KIAA0930: variants seen among roughly 807,000 people sequenced by gnomAD.
The protein encoded by KIAA0930 is KIAA0930.
A neutral mutation model predicts 43.9 loss-of-function variants in KIAA0930; 24 were observed. The observed-to-expected ratio is 0.55, with a 90% CI of 0.40 to 0.77. The LOEUF (loss-of-function observed/expected upper bound fraction) is 0.77, where lower values mean the gene tolerates loss of function less well. KIAA0930 is among the 30% of genes least tolerant of loss of function. KIAA0930 has a pLI of 0.00. For synonymous variants in KIAA0930, 259 were observed against 216.4 expected (o/e 1.20, Z -1.73); for missense variants, 461 against 574.2 (o/e 0.80, Z 2.02).
intron 1 of KIAA0930, among the ~76,000 whole-genome samples, chr22:45,232,678 GC>G (rs917435056): frequency 1.7e-4 from 26 of 152,180 alleles, no homozygotes; most frequent in Admixed American, 1.2e-3. Flanking sequence ...GGAGCAAACT[GC>G]CCCCCTACCT....
rs742015 is a variant in KIAA0930 at position 45,208,711 on chromosome 22, G to A, written c.217-2799C>T. Among the ~76,000 whole-genome samples the A allele has an allele frequency of 8.3e-3, 1,271 of 152,360 alleles. 8 individuals carry two copies. Among genetic ancestry groups the A allele is most frequent in the African/African-American group, 0.027 (1,130 of 41,584 alleles). On this transcript the variant is annotated intron_variant, in intron 2 of 9. Transcript: ENST00000336156. ...CTAAGAAGAATCAAACTGTGTACAC[G>A]TCTGTGTTTTTCTGTATAGACGTTA...
At chr22:45,225,979 G>T (rs1198312159) in intron 1 of KIAA0930, among the ~76,000 whole-genome samples, 2 of 152,222 alleles carry the variant, frequency 1.3e-5, no homozygotes, top group Non-Finnish European at 2.9e-5. Flanking sequence ...CACACTGCAG[G>T]CTTGTCACAC....
At chr22:45,213,199 T>C (rs184334492) in intron 1 of KIAA0930, 20 of 803,638 alleles carry the variant, frequency 2.5e-5, no homozygotes, top group African/African-American at 3.6e-5. Flanking sequence ...CCAGCCTTGG[T>C]TGACGTCAGC....
At chr22:45,211,914 C>T (rs1324684669) in intron 2 of KIAA0930, 42 bp downstream of exon 2, 2 of 1,593,990 alleles carry the variant, frequency 1.3e-6, no homozygotes, top group Non-Finnish European at 1.7e-6. Flanking sequence ...CACAGGGATG[C>T]TTGGGGCACA....
chr22:45,238,546 G>A (rs1402690667), intron 1 of KIAA0930, among the ~76,000 whole-genome samples: 1 of 152,200 alleles, frequency 6.6e-6, no homozygotes. Flanking sequence ...AGTTCCCGGA[G>A]AGGCAACACT....
In KIAA0930 at chr22:45,212,112, A is replaced by C. The variant is rs748493538; in HGVS notation, c.65-5T>G. 1 of 1,613,792 alleles carries C rather than the reference A, an allele frequency of 6.2e-7. No homozygotes were observed. Among genetic ancestry groups the C allele is most frequent in the Admixed American group, 1.7e-5 (1 of 60,004 alleles). On this transcript the variant is annotated splice_region_variant and splice_polypyrimidine_tract_variant and intron_variant, in intron 1 of 9. Coordinates refer to ENST00000336156, the MANE Select transcript of KIAA0930 (RefSeq NM_001009880.2). ...TGCGGTCATCCTTGAAGCACCCTGC[A>C]GAGGGAGGCCAGACAGGAGTGAGGA...
chr22:45,215,715 T>C (rs959316169), intron 1 of KIAA0930, among the ~76,000 whole-genome samples: 1 of 152,232 alleles, frequency 6.6e-6, no homozygotes, highest in African/African-American at 2.4e-5. Flanking sequence ...GACACAATGA[T>C]GACAACTACG....
intron 2 of KIAA0930, 137 bp from the exon 3 acceptor site, chr22:45,206,049 A>G (rs1053678128): frequency 1.3e-5 from 19 of 1,443,090 alleles, no homozygotes; most frequent in Non-Finnish European, 1.8e-5. Context: ...AGGGTCTCAC[A>G]CCGCTGCCCA....
intron 2 of KIAA0930, among the ~76,000 whole-genome samples, chr22:45,206,637 TAATA>T (rs1285882004): frequency 6.6e-6 from 1 of 151,890 alleles, no homozygotes; most frequent in Non-Finnish European, 1.5e-5. Flanking sequence ...TGAAGATCAA[TAATA>T]AATACATATC....
At chr22:45,197,645 A>C in intron 9 of KIAA0930, 145 bp downstream of exon 9, 1 of 783,838 alleles carries the variant, frequency 1.3e-6, no homozygotes, top group Non-Finnish European at 2.1e-6. Flanking sequence ...AGTCTGAGAC[A>C]AAGAGGCCAA....
rs1043845006 is a variant in KIAA0930, at chr22:45,196,133, G to T, written c.*1043C>A. 6.6e-6 allele frequency: 1 copy of T among 152,250 alleles called. No homozygotes were observed. The highest frequency in any genetic ancestry group is 1.5e-5 in the Non-Finnish European group (1 of 68,096). The allele number at this position is 152,250 out of a possible 1,614,324, so 9.4% of individuals were successfully genotyped here. A position where few individuals can be genotyped will look rare whatever the true frequency, so the allele number is the denominator to read the frequency against. ...TTGCAGATGGAAACGCCTTCATGCTGGACCAGGCCGAGGGCAGGCCTGGGG... is the reference window on the plus strand; with the variant it reads ...TTGCAGATGGAAACGCCTTCATGCTTGACCAGGCCGAGGGCAGGCCTGGGG... On this transcript the variant is annotated 3_prime_UTR_variant, in exon 10 of 10. Transcript: ENST00000336156. The surrounding 1 kb of genome is among the most constrained non-coding windows in gnomAD (Gnocchi z 4.1).
rs572796115 is a variant in KIAA0930, at chr22:45,210,084, G to C, written c.216+1872C>G. 1.8e-3 allele frequency among the ~76,000 whole-genome samples: 279 copies of C among 152,312 alleles called. 1 individual carries two copies. The highest frequency in any genetic ancestry group is 6.4e-3 in the African/African-American group (266 of 41,566). The stretch of plus-strand genomic sequence containing the variant: ...ACCTCCCTGTCTGCCCTCTTGACCA[G>C]AGTCGTGACCTCTCTGGAATCAAAA... On this transcript the variant is annotated intron_variant, in intron 2 of 9. Coordinates refer to ENST00000336156, the MANE Select transcript of KIAA0930 (RefSeq NM_001009880.2).
At chr22:45,213,577 C>T (rs1358876795) in intron 1 of KIAA0930, 1 of 899,164 alleles carries the variant, frequency 1.1e-6, no homozygotes, top group African/African-American at 1.8e-5. Context: ...CACGCTACTA[C>T]AGACCCTTGC....
intron 9 of KIAA0930, 62 bp downstream of exon 9, chr22:45,197,728 G>A: frequency 6.3e-7 from 1 of 1,578,690 alleles, no homozygotes; most frequent in South Asian, 1.1e-5. Flanking sequence ...AAGTACCAAG[G>A]CCCTGGAGGC....
intron 1 of KIAA0930, among the ~76,000 whole-genome samples, chr22:45,238,719 G>C (rs962036131): frequency 1.3e-5 from 2 of 152,092 alleles, no homozygotes; most frequent in Non-Finnish European, 2.9e-5. Flanking sequence ...CGGGAGGCCT[G>C]GAGAAGAGAC....
At position 45,212,049 on chromosome 22, in the gene KIAA0930, C is replaced by T; in HGVS notation, c.123G>A (p.Met41Ile). The T allele has an allele frequency of 6.2e-7, 1 of 1,613,956 alleles. No homozygotes were observed. The highest frequency in any genetic ancestry group is 8.5e-7 in the Non-Finnish European group (1 of 1,180,030). ...FWTWMFSTYF[M>I]EKWAPRQDDM... ...CGTCCTGCCGGGGAGCCCATTTCTC[C>T]ATGAAGTAGGTGGAGAACATCCAAG... is the stretch of plus-strand genomic sequence containing the variant. Residue 41 changes from methionine (M) to isoleucine (I), a missense_variant, in exon 2 of 10, where the codon ATG becomes ATA. Met to Ile is a conservative substitution (Grantham distance 10, BLOSUM62 1). Transcript: ENST00000336156.
intron 6 of KIAA0930, 69 bp from the exon 7 acceptor site, chr22:45,203,253 C>T: frequency 6.9e-7 from 1 of 1,455,358 alleles, no homozygotes; most frequent in Non-Finnish European, 9.3e-7. Flanking sequence ...CTCCCCAGGA[C>T]ATGAACAGCC....
intron 1 of KIAA0930, among the ~76,000 whole-genome samples, 185 bp downstream of exon 1, chr22:45,240,455 G>C (rs1010025557): frequency 6.6e-6 from 1 of 151,882 alleles, no homozygotes; most frequent in Non-Finnish European, 1.5e-5. Context: ...AGCAGAGACA[G>C]ACCCAGATGC....
intron 1 of KIAA0930, among the ~76,000 whole-genome samples, chr22:45,221,677 A>T (rs1182480934): frequency 6.6e-6 from 1 of 152,220 alleles, no homozygotes; most frequent in Non-Finnish European, 1.5e-5. Flanking sequence ...AGATCAATGG[A>T]ACAGAATAGA....
Sources: allele counts gnomAD v4.1 joint callset (sites outside exome capture counted in the v4.1 genomes callset), GRCh38; gene constraint gnomAD v4.1.1; non-coding constraint Gnocchi (gnomAD v3.1); transcripts MANE v1.5; gene names NCBI Gene and HGNC (gene_info 2026-07-23, HGNC 2026-07-21).